The following ANKRD6 variants were observed in gnomAD, a reference collection of about 807,000 sequenced individuals.
ANKRD6 encodes the protein ankyrin repeat domain 6, also known as ankyrin repeat domain-containing protein 6.
ANKRD6 carries 56 observed loss-of-function variants against 82.3 expected under a neutral mutation model. The ratio of observed to expected loss-of-function variants is 0.68; its 90% confidence interval spans 0.55 to 0.85. ANKRD6 has a LOEUF of 0.85. Ranked by LOEUF, ANKRD6 falls within the 40% of genes least tolerant of loss-of-function variation. The pLI, the probability that ANKRD6 is intolerant of heterozygous loss-of-function variation, is 0.00. For synonymous variants in ANKRD6, 347 were observed against 352.1 expected, an observed-to-expected ratio of 0.99 and a Z score of 0.16; for missense variants, 852 against 907.6, an observed-to-expected ratio of 0.94 and a Z score of 0.79.
In ANKRD6 at chr6:89,433,575, C is replaced by T. The variant is rs948650666; in HGVS notation, c.-144+200C>T. On this transcript the variant is annotated intron_variant, in intron 1 of 15. Transcript: ENST00000339746. This position sits in a 1 kb window ranked among gnomAD's most constrained non-coding sequence, Gnocchi z 4.3. ...CGAAAACGCCCGGCGCGAGGGGGTC[C>T]CCCCGGGGCGCCTCCCTCTTCGCCT... is the stretch of plus-strand genomic sequence containing the variant. Among the ~76,000 whole-genome samples, 2 of 152,216 alleles carry T rather than the reference C, an allele frequency of 1.3e-5. No homozygotes were observed. The highest frequency in any genetic ancestry group is 4.8e-5 in the African/African-American group (2 of 41,462).
intron 2 of ANKRD6, among the ~76,000 whole-genome samples, chr6:89,572,084 T>C (rs1405450180): frequency 6.6e-6 from 1 of 152,230 alleles, no homozygotes; most frequent in African/African-American, 2.4e-5. Flanking sequence ...GGTTCTTCCA[T>C]GTCTTTTCAT....
chr6:89,513,701 A>G (rs1212229861), intron 1 of ANKRD6, among the ~76,000 whole-genome samples: 4 of 152,232 alleles, frequency 2.6e-5, no homozygotes, highest in Non-Finnish European at 5.9e-5. Flanking sequence ...CAAACAATAA[A>G]CTACTTAAGA....
chr6:89,550,968 A>G (rs1785770583), intron 1 of ANKRD6, among the ~76,000 whole-genome samples: 1 of 152,208 alleles, frequency 6.6e-6, no homozygotes. Context: ...AGCAAAAATA[A>G]AAAGAATGAA....
At chr6:89,493,229 G>T (rs1778211638) in intron 1 of ANKRD6, among the ~76,000 whole-genome samples, 1 of 152,100 alleles carries the variant, frequency 6.6e-6, no homozygotes. Flanking sequence ...GTGTTGCAGG[G>T]CCCTGCTCCC....
chr6:89,490,864 C>G (rs1481368994), intron 1 of ANKRD6, among the ~76,000 whole-genome samples: 1 of 152,098 alleles, frequency 6.6e-6, no homozygotes, highest in Non-Finnish European at 1.5e-5. Context: ...ATGTCCTAAG[C>G]CCTGGAGCCT....
At chr6:89,539,230 AATT>A (rs1326111799) in intron 1 of ANKRD6, among the ~76,000 whole-genome samples, 4 of 152,120 alleles carry the variant, frequency 2.6e-5, no homozygotes, top group East Asian at 1.9e-4. Flanking sequence ...AATATCTTGG[AATT>A]ATTATATCTT....
In ANKRD6 at chr6:89,588,969, G is replaced by A. The variant is rs181119856; in HGVS notation, c.121-6947G>A. On this transcript the variant is annotated intron_variant, in intron 2 of 15. Coordinates refer to ENST00000339746, the MANE Select transcript of ANKRD6 (RefSeq NM_001242809.2). The stretch of plus-strand genomic sequence containing the variant: ...GATTGCGCCACTGCACTCCAGCCTG[G>A]GTGAGACAGAGCGAGACTCTGTCTC... Among the ~76,000 whole-genome samples the A allele has an allele frequency of 1.7e-4, 25 of 148,210 alleles. No homozygotes were observed. In the East Asian group the frequency reaches 4.8e-3, roughly 28 times the overall value.
chr6:89,501,476 G>A (rs1779253693), intron 1 of ANKRD6, among the ~76,000 whole-genome samples: 1 of 152,168 alleles, frequency 6.6e-6, no homozygotes, highest in African/African-American at 2.4e-5. Context: ...ACATTCTTTA[G>A]AAACACATTC....
chr6:89,502,262 A>G (rs1164336596), intron 1 of ANKRD6, among the ~76,000 whole-genome samples: 1 of 152,196 alleles, frequency 6.6e-6, no homozygotes, highest in Non-Finnish European at 1.5e-5. Flanking sequence ...AAATAATGTA[A>G]CATTGCCATA....
chr6:89,605,772 G>A (rs145794970), intron 4 of ANKRD6, among the ~76,000 whole-genome samples: 8 of 152,272 alleles, frequency 5.3e-5, no homozygotes, highest in East Asian at 3.9e-4. Flanking sequence ...TCCATGGTTC[G>A]TCATGGATTC....
chr6:89,500,371 C>T (rs893165424), intron 1 of ANKRD6, among the ~76,000 whole-genome samples: 1 of 152,110 alleles, frequency 6.6e-6, no homozygotes, highest in Non-Finnish European at 1.5e-5. Flanking sequence ...CCTGAAGTTC[C>T]TGGCATGAAA....
At chr6:89,539,873 CAAAAA>C (rs749956078) in intron 1 of ANKRD6, among the ~76,000 whole-genome samples, 1 of 135,334 alleles carries the variant, frequency 7.4e-6, no homozygotes, top group African/African-American at 2.7e-5. Context: ...TTGGATTCTA[CAAAAA>C]AAAAAAACCA....
chr6:89,511,147 C>A (rs2127939236), intron 1 of ANKRD6, among the ~76,000 whole-genome samples: 1 of 152,252 alleles, frequency 6.6e-6, no homozygotes, highest in South Asian at 2.1e-4. Context: ...ACGAGTGGGC[C>A]CACCACAGCC....
intron 12 of ANKRD6, 142 bp downstream of exon 12, chr6:89,624,199 C>T (rs2128261317): frequency 1.0e-6 from 1 of 979,264 alleles, no homozygotes; most frequent in East Asian, 2.6e-5. Flanking sequence ...GATGGCCTCC[C>T]CACCTGCACG....
Position 89,612,308 on chromosome 6 carries a change from A to ACGT in ANKRD6, c.454_455insCGT (p.Ser152delinsThrCys). ...AGCTCTGCACCTGGCCTGCCAGAAC[A>ACGT]GCCACTCCCAGAGCACGCGCGTCCT... On this transcript the variant is annotated protein_altering_variant, in exon 6 of 16. Transcript: ENST00000339746. The ACGT allele has an allele frequency of 1.3e-6, 2 of 1,565,358 alleles. No homozygotes were observed. Among genetic ancestry groups the ACGT allele is most frequent in the Non-Finnish European group, 1.7e-6 (2 of 1,154,386 alleles).
At chr6:89,542,775 A>C (rs1784591051) in intron 1 of ANKRD6, among the ~76,000 whole-genome samples, 1 of 152,242 alleles carries the variant, frequency 6.6e-6, no homozygotes, top group East Asian at 1.9e-4. Context: ...ATTTAAGATC[A>C]CCAGTATAAG....
chr6:89,611,364 C>T (rs547976688), intron 5 of ANKRD6, among the ~76,000 whole-genome samples: 33 of 152,158 alleles, frequency 2.2e-4, no homozygotes, highest in Non-Finnish European at 4.6e-4. Context: ...AGAACCAACG[C>T]GGAGCTTCTG....
At chr6:89,603,532 C>T (rs1797758399) in intron 4 of ANKRD6, among the ~76,000 whole-genome samples, 1 of 152,030 alleles carries the variant, frequency 6.6e-6, no homozygotes, top group South Asian at 2.1e-4. Context: ...GCACCAGTGA[C>T]AACCACATAA....
Position 89,629,242 on chromosome 6 carries a change from A to G in ANKRD6, c.1612+4A>G, listed in dbSNP as rs367645696. ...TCTACTTGTGAGTCCTCTACAGGTA[A>G]CCCACACACAGAGAGCCCTTTTGTC... On this transcript the variant is annotated splice_donor_region_variant and intron_variant, in intron 15 of 15. Transcript: ENST00000339746. 3 of 1,613,694 alleles carry G rather than the reference A, an allele frequency of 1.9e-6. No individual in the cohort carries two copies. In the East Asian group the frequency reaches 6.7e-5, roughly 36 times the overall value.
Sources: allele counts gnomAD v4.1 joint callset (sites outside exome capture counted in the v4.1 genomes callset), GRCh38; gene constraint gnomAD v4.1.1; non-coding constraint Gnocchi (gnomAD v3.1); transcripts MANE v1.5; gene names NCBI Gene and HGNC (gene_info 2026-07-23, HGNC 2026-07-21).